Variants in ANKS1B observed in about 807,000 individuals in gnomAD.
The protein encoded by ANKS1B is ankyrin repeat and sterile alpha motif domain containing 1B.
In ANKS1B, 36 loss-of-function variants were observed where a neutral mutation model predicts 148.3. The ratio of observed to expected loss-of-function variants is 0.24; its 90% confidence interval spans 0.19 to 0.32. The LOEUF (loss-of-function observed/expected upper bound fraction) is 0.32. Among genes scored for constraint, ANKS1B ranks in the 10% least tolerant of loss-of-function variants. The pLI is 1.00. For synonymous variants in ANKS1B, 542 were observed against 560.8 expected (o/e 0.97, Z 0.47); for missense variants, 1,157 against 1,542.6 (o/e 0.75, Z 4.19).
intron 14 of ANKS1B, among the ~76,000 whole-genome samples, chr12:99,209,327 TG>T (rs2083057480): frequency 6.6e-6 from 1 of 152,214 alleles, no homozygotes; most frequent in Non-Finnish European, 1.5e-5. Context: ...CTCCATTTTT[TG>T]TAACAATGAG....
At position 99,929,816 on chromosome 12, in the gene ANKS1B, G is replaced by A. The variant is rs551728475; in HGVS notation, c.134+54288C>T. Reference sequence around the variant, plus strand: ...AAAGATCAGATAGTTGCAGATATGCGGCATTATTTCTGAGGGCTCTGTTCT... The same window carrying A: ...AAAGATCAGATAGTTGCAGATATGCAGCATTATTTCTGAGGGCTCTGTTCT... On this transcript the variant is annotated intron_variant, in intron 1 of 26. Transcript: ENST00000683438. Among the ~76,000 whole-genome samples, 137 of 151,762 alleles carry A rather than the reference G, an allele frequency of 9.0e-4. 2 individuals carry two copies. Among genetic ancestry groups the A allele is most frequent in the Admixed American group, 7.2e-3 (110 of 15,250 alleles).
intron 1 of ANKS1B, among the ~76,000 whole-genome samples, chr12:99,940,039 A>G (rs551089679): frequency 6.6e-6 from 1 of 152,344 alleles, no homozygotes; most frequent in Admixed American, 6.5e-5. Context: ...AAAATATTCA[A>G]TGTTGTGTGA....
intron 17 of ANKS1B, among the ~76,000 whole-genome samples, chr12:99,008,091 G>C (rs143314011): frequency 3.2e-3 from 487 of 152,118 alleles, no homozygotes; most frequent in South Asian, 8.7e-3. Context: ...TTCTTATTAA[G>C]TCCTGAAAAG....
At chr12:99,457,841 T>C (rs1345423542) in intron 10 of ANKS1B, among the ~76,000 whole-genome samples, 1 of 152,104 alleles carries the variant, frequency 6.6e-6, no homozygotes, top group Non-Finnish European at 1.5e-5. Flanking sequence ...GGGACTTCAA[T>C]ATTCCACAGA....
At chr12:99,652,825 T>C (rs965777305) in intron 9 of ANKS1B, among the ~76,000 whole-genome samples, 1 of 152,248 alleles carries the variant, frequency 6.6e-6, no homozygotes, top group East Asian at 1.9e-4. Context: ...ATATGAGTTA[T>C]TGTTCAATGG....
At chr12:98,784,874 G>A (rs917744983) in intron 22 of ANKS1B, among the ~76,000 whole-genome samples, 1 of 152,224 alleles carries the variant, frequency 6.6e-6, no homozygotes, top group South Asian at 2.1e-4. Context: ...TGCAGGCTGT[G>A]CACAGGCCTC....
At chr12:99,575,406 T>G (rs1312674781) in intron 9 of ANKS1B, among the ~76,000 whole-genome samples, 1 of 152,048 alleles carries the variant, frequency 6.6e-6, no homozygotes, top group African/African-American at 2.4e-5. Context: ...AACATGGACA[T>G]GAAAAAGCAG....
chr12:99,046,667 T>C (rs1409511316), intron 17 of ANKS1B, among the ~76,000 whole-genome samples: 1 of 151,822 alleles, frequency 6.6e-6, no homozygotes, highest in Non-Finnish European at 1.5e-5. Context: ...AGTAAGGTGG[T>C]GGGCACCTGT....
intron 9 of ANKS1B, among the ~76,000 whole-genome samples, chr12:99,590,274 A>C (rs2097689306): frequency 6.6e-6 from 1 of 151,096 alleles, no homozygotes; most frequent in Non-Finnish European, 1.5e-5. Context: ...ACACACACAC[A>C]CACACACACA....
intron 9 of ANKS1B, among the ~76,000 whole-genome samples, chr12:99,534,560 C>G (rs1423414991): frequency 6.6e-6 from 1 of 152,136 alleles, no homozygotes; most frequent in Non-Finnish European, 1.5e-5. Context: ...GTCATTTCTA[C>G]ACATAATAAT....
At position 99,823,855 on chromosome 12, in the gene ANKS1B, C is replaced by T. The variant is rs963012893; in HGVS notation, c.215+1454G>A. Among the ~76,000 whole-genome samples, 6 of 152,140 alleles carry T rather than the reference C, an allele frequency of 3.9e-5. No individual in the cohort carries two copies. The East Asian group carries it at 1.2e-3, about 29-fold the overall frequency. On this transcript the variant is annotated intron_variant, in intron 2 of 26. Coordinates refer to ENST00000683438, the MANE Select transcript of ANKS1B (RefSeq NM_001352186.2). ...TTTATTGAAGAGGGAGTCCTTTCTC[C>T]ATTGCTTATTTGTTATCAATTTTGT... is the stretch of plus-strand genomic sequence containing the variant.
intron 2 of ANKS1B, among the ~76,000 whole-genome samples, chr12:99,817,495 A>T (rs1465284747): frequency 2.0e-4 from 23 of 113,126 alleles, no homozygotes; most frequent in Non-Finnish European, 1.8e-5. Context: ...TCACTTTGAT[A>T]CCCTGATTTC....
At chr12:99,325,272 A>T (rs192980171) in intron 12 of ANKS1B, among the ~76,000 whole-genome samples, 1 of 152,286 alleles carries the variant, frequency 6.6e-6, no homozygotes, top group South Asian at 2.1e-4. Flanking sequence ...CAGCAACATG[A>T]ATCCTGCTAA....
chr12:99,695,249 A>G (rs959487151), intron 8 of ANKS1B, among the ~76,000 whole-genome samples: 1 of 152,244 alleles, frequency 6.6e-6, no homozygotes, highest in East Asian at 1.9e-4. Context: ...TGATGTGGTC[A>G]AAGTGTTATG....
At chr12:99,685,660 C>A (rs975050060) in intron 8 of ANKS1B, among the ~76,000 whole-genome samples, 1 of 151,848 alleles carries the variant, frequency 6.6e-6, no homozygotes, top group Non-Finnish European at 1.5e-5. Flanking sequence ...CTGGCAATTG[C>A]AAAAATATGG....
intron 10 of ANKS1B, among the ~76,000 whole-genome samples, chr12:99,451,786 C>CGTGTGTGTGT (rs147892225): frequency 0.23 from 34,260 of 150,370 alleles, 4,089 homozygotes; most frequent in African/African-American, 0.32. Context: ...TGTACAGATA[C>CGTGTGTGTGT]GTGTGTGTGT....
At position 99,333,854 on chromosome 12, in the gene ANKS1B, G is replaced by GTTTTTTTTGTTTT. The variant is rs35682274; in HGVS notation, c.1756+65776_1756+65777insAAAACAAAAAAAA. ...ATCAAAGTCACATTTCCAGTTCTCA[G>GTTTTTTTTGTTTT]TTTTTTTTTTTTTTTTTTTTTAACA... On this transcript the variant is annotated intron_variant, in intron 12 of 26. Transcript: ENST00000683438. 1.0e-4 allele frequency among the ~76,000 whole-genome samples: 11 copies of GTTTTTTTTGTTTT among 107,486 alleles called. 1 individual carries two copies. Among genetic ancestry groups the GTTTTTTTTGTTTT allele is most frequent in the African/African-American group, 4.4e-4 (11 of 25,094 alleles). 70.5% of individuals were successfully genotyped at this position (107,486 alleles called of 152,430 possible). A position where few individuals can be genotyped will look rare whatever the true frequency, so the allele number is the denominator to read the frequency against.
chr12:99,261,322 T>G (rs772917315), intron 12 of ANKS1B, among the ~76,000 whole-genome samples: 3 of 152,192 alleles, frequency 2.0e-5, no homozygotes, highest in Non-Finnish European at 4.4e-5. Context: ...CACACTCTTC[T>G]GGTTTTCATC....
intron 12 of ANKS1B, among the ~76,000 whole-genome samples, chr12:99,303,972 T>C (rs1438897934): frequency 6.6e-6 from 1 of 152,190 alleles, no homozygotes; most frequent in Non-Finnish European, 1.5e-5. Context: ...TTCCTTTTTA[T>C]GGCCGAGCAG....
Sources: gnomAD v4.1 joint callset for allele counts (sites outside exome capture counted in the v4.1 genomes callset) on GRCh38, gnomAD v4.1.1 for gene constraint, MANE v1.5 for transcripts, NCBI Gene and HGNC (gene_info 2026-07-23, HGNC 2026-07-21) for gene names.